The following EPHX1 variants were observed in gnomAD, a reference collection of about 807,000 sequenced individuals.
EPHX1 encodes epoxide hydratase.
Under a neutral mutation model 43.2 loss-of-function variants are expected in EPHX1, and 40 were observed. The ratio of observed to expected loss-of-function variants is 0.93; its 90% CI spans 0.72 to 1.21. EPHX1 has a LOEUF of 1.21. Among genes scored for constraint, EPHX1 ranks in the 50% most tolerant of loss-of-function variants. EPHX1 has a pLI of 0.00. For missense variants in EPHX1, 550 were observed against 570.4 expected (o/e 0.96, Z 0.36); for synonymous variants, 221 against 226.7 (o/e 0.98, Z 0.22).
chr1:225,816,543 C>T (rs886746494), intron 1 of EPHX1, among the ~76,000 whole-genome samples: 1 of 152,180 alleles, frequency 6.6e-6, no homozygotes, highest in African/African-American at 2.4e-5. Context: ...AGCTCATGAG[C>T]CCTGCAGCAT....
intron 1 of EPHX1, among the ~76,000 whole-genome samples, chr1:225,816,646 C>T (rs1666736271): frequency 6.6e-6 from 1 of 152,228 alleles, no homozygotes; most frequent in African/African-American, 2.4e-5. Flanking sequence ...TCCGAAGGTG[C>T]ACAGGATTTG....
chr1:225,833,823 C>T (rs901982070), intron 3 of EPHX1, among the ~76,000 whole-genome samples: 69 of 143,572 alleles, frequency 4.8e-4, no homozygotes, highest in African/African-American at 1.0e-4. Flanking sequence ...ACAGGCTGGG[C>T]GCCGTGGCTC....
intron 6 of EPHX1, among the ~76,000 whole-genome samples, chr1:225,841,747 A>G (rs1409944865): frequency 6.6e-6 from 1 of 151,758 alleles, no homozygotes; most frequent in Non-Finnish European, 1.5e-5. Context: ...GATTACAGGC[A>G]TGCACCACCA....
rs180961292 is a variant in EPHX1, at chr1:225,840,599, A to G, written c.931+562A>G. ...TTTGCTAACAGACACAAAACTTGTCAACATCCACAGAGTAATATCAATTAA... is the reference window on the plus strand; with the variant it reads ...TTTGCTAACAGACACAAAACTTGTCGACATCCACAGAGTAATATCAATTAA... On this transcript the variant is annotated intron_variant, in intron 6 of 8. Coordinates refer to ENST00000272167, the MANE Select transcript of EPHX1 (RefSeq NM_001136018.4). Among the ~76,000 whole-genome samples, 9 of 152,400 alleles carry G rather than the reference A, an allele frequency of 5.9e-5. No homozygotes were observed. The East Asian group carries it at 1.5e-3, about 26-fold the overall frequency.
At chr1:225,843,360 G>A (rs1340379497) in intron 7 of EPHX1, among the ~76,000 whole-genome samples, 1 of 152,192 alleles carries the variant, frequency 6.6e-6, no homozygotes, top group Non-Finnish European at 1.5e-5. Flanking sequence ...TGCTTGGAAA[G>A]GGTGGCTTGT....
chr1:225,839,229 T>C lies in EPHX1; in HGVS notation c.605T>C (p.Val202Ala). The change falls in exon 5 of 9, where the codon GTG (valine) becomes GCG (alanine). Residue 202 changes from valine (V) to alanine (A), a missense_variant. Physicochemically the swap from Val to Ala is moderately conservative, Grantham distance 64. Transcript: ENST00000272167. ...EASSKKGFNSVATARIFYKLM... is the reference protein window; with the variant it reads ...EASSKKGFNSAATARIFYKLM... ...CCATCACTGCCAGGGTTCAACTCGG[T>C]GGCCACCGCCAGGATCTTTTACAAG... The C allele has an allele frequency of 6.2e-7, 1 of 1,614,108 alleles. No homozygotes were observed. The highest frequency in any genetic ancestry group is 8.5e-7 in the Non-Finnish European group (1 of 1,180,014).
intron 2 of EPHX1, among the ~76,000 whole-genome samples, 195 bp downstream of exon 2, chr1:225,829,107 C>T (rs1254755312): frequency 6.6e-6 from 1 of 152,150 alleles, no homozygotes; most frequent in Non-Finnish European, 1.5e-5. Flanking sequence ...CCAGCCCTCC[C>T]ACTTTCTCTC....
intron 1 of EPHX1, among the ~76,000 whole-genome samples, chr1:225,812,219 C>A (rs1159305163): frequency 3.9e-5 from 6 of 152,210 alleles, no homozygotes; most frequent in Admixed American, 6.5e-5. Flanking sequence ...GACTCCTGAG[C>A]TTTCTGCGGC....
intron 4 of EPHX1, 147 bp from the exon 5 acceptor site, chr1:225,839,070 G>C: frequency 7.1e-7 from 1 of 1,406,252 alleles, no homozygotes; most frequent in Non-Finnish European, 9.7e-7. Context: ...CTATATTTGG[G>C]CTCCAGGATT....
intron 1 of EPHX1, among the ~76,000 whole-genome samples, chr1:225,827,587 C>T (rs1349484971): frequency 6.6e-6 from 1 of 152,142 alleles, no homozygotes; most frequent in African/African-American, 2.4e-5. Context: ...TGAAATGTAA[C>T]AGGCAACACT....
At position 225,831,188 on chromosome 1, in the gene EPHX1, A is replaced by C. The variant is rs574610105; in HGVS notation, c.184-591A>C. Among the ~76,000 whole-genome samples, 5 of 152,300 alleles carry C rather than the reference A, an allele frequency of 3.3e-5. No homozygotes were observed. In the East Asian group the frequency reaches 7.7e-4, roughly 24 times the overall value. ...TTACTATCTGGCCCTTTACAGAAAAAGTTTGCCGACTCCCGCTGTAGAGAC... is the reference window on the plus strand; with the variant it reads ...TTACTATCTGGCCCTTTACAGAAAACGTTTGCCGACTCCCGCTGTAGAGAC... On this transcript the variant is annotated intron_variant, in intron 2 of 8. Transcript: ENST00000272167.
At chr1:225,832,328 A>G (rs1262965662) in intron 3 of EPHX1, among the ~76,000 whole-genome samples, 1 of 152,126 alleles carries the variant, frequency 6.6e-6, no homozygotes, top group East Asian at 1.9e-4. Flanking sequence ...TCACGAGGTC[A>G]AGAGTTCAAG....
chr1:225,827,745 C>T (rs188808157), intron 1 of EPHX1, among the ~76,000 whole-genome samples: 148 of 152,332 alleles, frequency 9.7e-4, no homozygotes, highest in African/African-American at 3.5e-3. Flanking sequence ...CTGTGAATAT[C>T]CTAGAAACCA....
In EPHX1 at chr1:225,817,554, T is replaced by C. The variant is rs1036087554; in HGVS notation, c.-6+7385T>C. Among the ~76,000 whole-genome samples the C allele has an allele frequency of 6.6e-6, 1 of 152,122 alleles. No homozygotes were observed. Among genetic ancestry groups the C allele is most frequent in the Non-Finnish European group, 1.5e-5 (1 of 68,008 alleles). On this transcript the variant is annotated intron_variant, in intron 1 of 8. Transcript: ENST00000272167. This position sits in a 1 kb window ranked among gnomAD's most constrained non-coding sequence, Gnocchi z 5.7. Reference sequence around the variant, plus strand: ...CCAGGCCTGCAGAAGCAGCAGACCCTCCAAGCCCACCTACCTCTCTGGCCT... The same window carrying C: ...CCAGGCCTGCAGAAGCAGCAGACCCCCCAAGCCCACCTACCTCTCTGGCCT...
chr1:225,821,470 T>C (rs1666975163), intron 1 of EPHX1, among the ~76,000 whole-genome samples: 1 of 151,742 alleles, frequency 6.6e-6, no homozygotes, highest in African/African-American at 2.4e-5. Context: ...GGTCACGAAC[T>C]CCTGACCTAA....
At chr1:225,821,305 G>A (rs1666967755) in intron 1 of EPHX1, among the ~76,000 whole-genome samples, 1 of 151,412 alleles carries the variant, frequency 6.6e-6, no homozygotes, top group South Asian at 2.1e-4. Context: ...AGTCTAGTGG[G>A]GCAATCTCGG....
intron 5 of EPHX1, 100 bp downstream of exon 5, chr1:225,839,446 C>T: frequency 6.4e-7 from 1 of 1,565,090 alleles, no homozygotes; most frequent in Middle Eastern, 2.2e-4. Context: ...CAAGGACCCC[C>T]CAGGGGAGAG....
At position 225,842,485 on chromosome 1, in the gene EPHX1, G is replaced by A. The variant is rs1481910006; in HGVS notation, c.1040+11G>A. 10 of 1,588,128 alleles carry A rather than the reference G, an allele frequency of 6.3e-6. No homozygotes were observed. The highest frequency in any genetic ancestry group is 1.3e-5 in the African/African-American group (1 of 74,336). Reference sequence around the variant, plus strand: ...TGGAGGCCTGGAAAGGTGAGGCCCTGGTTTGCCCCTGCAGTCATGACCCTG... The same window carrying A: ...TGGAGGCCTGGAAAGGTGAGGCCCTAGTTTGCCCCTGCAGTCATGACCCTG... On this transcript the variant is annotated intron_variant, in intron 7 of 8. Transcript: ENST00000272167.
At chr1:225,814,723 C>A (rs1223139927) in intron 1 of EPHX1, among the ~76,000 whole-genome samples, 7 of 152,256 alleles carry the variant, frequency 4.6e-5, no homozygotes, top group Non-Finnish European at 5.9e-5. Flanking sequence ...CAAAGGCCAC[C>A]ACCTCAGCTT....
Sources: allele counts gnomAD v4.1 joint callset (sites outside exome capture counted in the v4.1 genomes callset), GRCh38; gene constraint gnomAD v4.1.1; non-coding constraint Gnocchi (gnomAD v3.1); transcripts MANE v1.5; gene names NCBI Gene and HGNC (gene_info 2026-07-23, HGNC 2026-07-21).